Variants in PPP2R2D observed in about 807,000 individuals in gnomAD.
PPP2R2D encodes serine/threonine-protein phosphatase 2A 55 kDa regulatory subunit B delta isoform.
PPP2R2D carries 9 observed loss-of-function variants against 31.1 expected under a neutral mutation model. The observed-to-expected ratio is 0.29, with a 90% CI of 0.17 to 0.51. PPP2R2D has a LOEUF of 0.51. Ranked by LOEUF, PPP2R2D falls within the 20% of genes least tolerant of loss-of-function variation. The probability of loss-of-function intolerance (pLI) is 0.98; values close to 1 mark genes in which losing one functional copy is unlikely to be tolerated. For synonymous variants in PPP2R2D, 179 were observed against 172.6 expected (o/e 1.04, Z -0.29); for missense variants, 391 against 465.6 (o/e 0.84, Z 1.48).
chr10:131,905,178 C>G (rs1012178032), intron 2 of PPP2R2D, among the ~76,000 whole-genome samples: 9 of 152,162 alleles, frequency 5.9e-5, no homozygotes, highest in African/African-American at 2.2e-4. Context: ...CATCTCCTCC[C>G]TTTGCTGGAA....
intron 8 of PPP2R2D, among the ~76,000 whole-genome samples, chr10:131,948,971 G>T (rs1199793216): frequency 2.0e-5 from 3 of 152,202 alleles, no homozygotes; most frequent in Admixed American, 2.0e-4. Context: ...CCTCACAAGG[G>T]TTTGCAGTTT....
rs34975813 is a variant in PPP2R2D, at chr10:131,958,130, G to A, written c.*2167G>A. 16,917 of 97,918 alleles carry A rather than the reference G, an allele frequency of 0.17. 1,423 individuals are homozygous for A. The highest frequency in any genetic ancestry group is 0.25 in the African/African-American group (5,657 of 22,618). 6.1% of individuals were successfully genotyped at this position (97,918 alleles called of 1,614,324 possible). On this transcript the variant is annotated 3_prime_UTR_variant, in exon 9 of 9. Coordinates refer to ENST00000455566, the MANE Select transcript of PPP2R2D (RefSeq NM_018461.5). The stretch of plus-strand genomic sequence containing the variant: ...GAGATGAAGGTGTGTGCTGATCCCC[G>A]TCCCCCTGTGGAGATGAAGGGGTGT...
intron 2 of PPP2R2D, among the ~76,000 whole-genome samples, chr10:131,909,946 G>A (rs1292278044): frequency 6.6e-6 from 1 of 152,192 alleles, no homozygotes; most frequent in Non-Finnish European, 1.5e-5. Flanking sequence ...TTACACTTTT[G>A]CACATCCTTT....
chr10:131,916,066 G>T (rs555071171), intron 2 of PPP2R2D, among the ~76,000 whole-genome samples: 2 of 152,338 alleles, frequency 1.3e-5, no homozygotes, highest in African/African-American at 4.8e-5. Context: ...AGTCAAATAT[G>T]TCGTAGGTAA....
rs782444066 is a variant in PPP2R2D, at chr10:131,955,874, A to G, written c.1273A>G (p.Ile425Val). 6.2e-7 allele frequency: 1 copy of G among 1,609,360 alleles called. No homozygotes were observed. Among genetic ancestry groups the G allele is most frequent in the Admixed American group, 1.7e-5 (1 of 59,706 alleles). The change falls in exon 9 of 9, where the codon ATC becomes GTC. Residue 425 changes from isoleucine to valine, a missense_variant. Transcript: ENST00000455566. ...GGACAGTCTGGACTTCAACAAGAAG[A>G]TCCTGCACACAGCCTGGCACCCCGT... The part of the protein sequence containing the change: ...SVDSLDFNKK[I>V]LHTAWHPVDN...
chr10:131,915,487 A>G (rs1284854733), intron 2 of PPP2R2D, among the ~76,000 whole-genome samples: 4 of 152,226 alleles, frequency 2.6e-5, no homozygotes, highest in African/African-American at 7.2e-5. Context: ...GGGTTTTTGA[A>G]GAGATGAAGG....
intron 7 of PPP2R2D, among the ~76,000 whole-genome samples, chr10:131,946,905 T>G (rs1224747184): frequency 4.6e-5 from 7 of 152,062 alleles, no homozygotes; most frequent in Admixed American, 6.5e-5. Flanking sequence ...ATATTCAGTA[T>G]TGGAGACAAA....
rs972411739 is a variant in PPP2R2D, at chr10:131,902,409, C to T, written c.100+1079C>T. ...TCCCTCTTCCCTACCCTGTACCTCT[C>T]CCTGGCAGTGTCTGGTTTGGCACAT... On this transcript the variant is annotated intron_variant, in intron 2 of 8. Coordinates refer to ENST00000455566, the MANE Select transcript of PPP2R2D (RefSeq NM_018461.5). Among the ~76,000 whole-genome samples the T allele has an allele frequency of 3.9e-5, 6 of 152,254 alleles. No homozygotes were observed. In the East Asian group the frequency reaches 9.7e-4, roughly 25 times the overall value.
At chr10:131,965,846 T>A in the PPP2R2D span, among the ~76,000 whole-genome samples, 1 of 152,176 alleles carries the variant, frequency 6.6e-6, no homozygotes, top group Non-Finnish European at 1.5e-5. Flanking sequence ...GCACTGTGTT[T>A]TACTTCACAT....
chr10:131,920,948 G>C (rs1554894167), intron 2 of PPP2R2D, among the ~76,000 whole-genome samples: 2 of 152,144 alleles, frequency 1.3e-5, no homozygotes, highest in African/African-American at 4.8e-5. Flanking sequence ...AAGTGAAACA[G>C]GAATCTCAGG....
the PPP2R2D span, chr10:131,969,774 C>T: frequency 2.0e-5 from 3 of 149,240 alleles, no homozygotes; most frequent in African/African-American, 7.8e-5. Context: ...GGGACCAGCC[C>T]GAGGAGGAGC....
At chr10:131,932,646 C>CAAAAAAAAAAAAA (rs368610703) in intron 2 of PPP2R2D, among the ~76,000 whole-genome samples, 587 of 57,646 alleles carry the variant, frequency 0.01, 53 homozygotes, top group South Asian at 0.018. Flanking sequence ...CAGCCTGTCT[C>CAAAAAAAAAAAAA]AAAAAAAAAA....
chr10:131,947,488 A>AT lies in PPP2R2D; in HGVS notation c.821-37dup, dbSNP rs782347723. ...GAACTTGAAAATGATTTGTTCTCTGATTTTTAAACAGAAGCTGAAAACATT... is the reference window on the plus strand; with the variant it reads ...GAACTTGAAAATGATTTGTTCTCTGATTTTTTAAACAGAAGCTGAAAACATT... On this transcript the variant is annotated intron_variant, in intron 7 of 8. Coordinates refer to ENST00000455566, the MANE Select transcript of PPP2R2D (RefSeq NM_018461.5). The surrounding 1 kb of genome is among the most constrained non-coding windows in gnomAD (Gnocchi z 4.3). 1.3e-6 allele frequency: 2 copies of AT among 1,590,248 alleles called. No individual in the cohort carries two copies. The highest frequency in any genetic ancestry group is 1.7e-5 in the Admixed American group (1 of 57,746).
the PPP2R2D span, chr10:131,970,861 C>T: frequency 6.2e-7 from 1 of 1,614,246 alleles, no homozygotes; most frequent in Non-Finnish European, 8.5e-7. The surrounding 1 kb of genome is among the most constrained non-coding windows in gnomAD (Gnocchi z 4.1). Flanking sequence ...AGAACACACT[C>T]ACTTGGGGGG....
rs9419222 is a variant in PPP2R2D, at chr10:131,959,395, A to C, written c.*3432A>C. 1,525 of 30,996 alleles carry C rather than the reference A, an allele frequency of 0.049. No homozygotes were observed. Among genetic ancestry groups the C allele is most frequent in the Admixed American group, 0.058 (163 of 2,816 alleles). 1.9% of individuals were successfully genotyped at this position (30,996 alleles called of 1,614,324 possible). On this transcript the variant is annotated 3_prime_UTR_variant, in exon 9 of 9. Coordinates refer to ENST00000455566, the MANE Select transcript of PPP2R2D (RefSeq NM_018461.5). Reference sequence around the variant, plus strand: ...AAGGCGTGTGCTGATCCGCCATCCCACTGTGGAGATGAAGGTGTGTGCTGA... The same window carrying C: ...AAGGCGTGTGCTGATCCGCCATCCCCCTGTGGAGATGAAGGTGTGTGCTGA...
At chr10:131,936,657 A>G (rs2036346589) in intron 3 of PPP2R2D, among the ~76,000 whole-genome samples, 1 of 152,322 alleles carries the variant, frequency 6.6e-6, no homozygotes, top group South Asian at 2.1e-4. Flanking sequence ...ATATAAAACA[A>G]ACCCTGATAA....
chr10:131,943,727 T>C (rs1175559548), intron 5 of PPP2R2D, among the ~76,000 whole-genome samples: 2 of 152,196 alleles, frequency 1.3e-5, no homozygotes, highest in Admixed American at 1.3e-4. Flanking sequence ...GCTGATCTTC[T>C]CTTCAGCAGG....
rs1237525271 is a variant in PPP2R2D, at chr10:131,927,337, G to A, written c.101-7121G>A. On this transcript the variant is annotated intron_variant, in intron 2 of 8. Coordinates refer to ENST00000455566, the MANE Select transcript of PPP2R2D (RefSeq NM_018461.5). ...GAGCCCCCATGGAGAGGGCCTGGGAGAAGCTGCTGTCAGGGATTGCAAGTT... is the reference window on the plus strand; with the variant it reads ...GAGCCCCCATGGAGAGGGCCTGGGAAAAGCTGCTGTCAGGGATTGCAAGTT... 3.3e-5 allele frequency among the ~76,000 whole-genome samples: 5 copies of A among 152,312 alleles called. No individual in the cohort carries two copies. In the East Asian group the frequency reaches 9.6e-4, roughly 29 times the overall value.
chr10:131,935,215 A>G (rs1019938388), intron 3 of PPP2R2D, among the ~76,000 whole-genome samples: 2 of 152,200 alleles, frequency 1.3e-5, no homozygotes, highest in African/African-American at 4.8e-5. Context: ...GAGCAGTGAT[A>G]AAGGAAGCAA....
Sources: gnomAD v4.1 joint callset for allele counts (sites outside exome capture counted in the v4.1 genomes callset) on GRCh38, gnomAD v4.1.1 for gene constraint, Gnocchi (gnomAD v3.1) non-coding constraint, MANE v1.5 for transcripts, NCBI Gene and HGNC (gene_info 2026-07-23, HGNC 2026-07-21) for gene names.